TSHZ2: variants seen among roughly 807,000 people sequenced by gnomAD.
The protein encoded by TSHZ2 is teashirt homolog 2.
A neutral mutation model predicts 74.4 loss-of-function variants in TSHZ2; 21 were observed. The observed-to-expected ratio is 0.28, with a 90% confidence interval of 0.20 to 0.41. The LOEUF (loss-of-function observed/expected upper bound fraction) is 0.41. TSHZ2 is among the 10% of genes least tolerant of loss of function. The pLI is 1.00. For missense variants in TSHZ2, 1,244 were observed against 1,293.5 expected (o/e 0.96, Z 0.59); for synonymous variants, 540 against 515.3 (o/e 1.05, Z -0.65).
chr20:53,143,554 T>C (rs891637268), intron 1 of TSHZ2, among the ~76,000 whole-genome samples: 46 of 152,104 alleles, frequency 3.0e-4, no homozygotes, highest in Non-Finnish European at 5.1e-4. Context: ...TAGCCGGGCA[T>C]GGTGGCGGGC....
Position 53,384,308 on chromosome 20 carries a change from G to A in TSHZ2, c.*9-102836G>A, listed in dbSNP as rs114081174. ...ATTACTGAAGGCGAGGGATTTGACT[G>A]GGCCTGGAAACTCCAAAACTGCAGC... On this transcript the variant is annotated intron_variant, in intron 2 of 2. Coordinates refer to ENST00000371497, the MANE Select transcript of TSHZ2 (RefSeq NM_173485.6). Among the ~76,000 whole-genome samples the A allele has an allele frequency of 2.7e-3, 418 of 152,288 alleles. 3 individuals are homozygous for A. The highest frequency in any genetic ancestry group is 9.6e-3 in the African/African-American group (399 of 41,560).
chr20:53,320,437 A>G (rs577644104), intron 2 of TSHZ2, among the ~76,000 whole-genome samples: 1 of 152,276 alleles, frequency 6.6e-6, no homozygotes, highest in Admixed American at 6.5e-5. Flanking sequence ...AGTTCTTTTC[A>G]TTGCCTCAAT....
chr20:53,374,091 C>G (rs1981573544), intron 2 of TSHZ2, among the ~76,000 whole-genome samples: 1 of 152,108 alleles, frequency 6.6e-6, no homozygotes, highest in Admixed American at 6.6e-5. Context: ...TATTATGTCA[C>G]CCAGGTAATA....
intron 1 of TSHZ2, among the ~76,000 whole-genome samples, chr20:53,210,774 C>T (rs894456643): frequency 3.9e-5 from 6 of 152,052 alleles, no homozygotes; most frequent in Non-Finnish European, 8.8e-5. Flanking sequence ...TTCCCTGTCT[C>T]CTGTCCATAT....
chr20:53,236,404 G>A (rs746393267), intron 1 of TSHZ2, among the ~76,000 whole-genome samples: 2 of 152,160 alleles, frequency 1.3e-5, no homozygotes, highest in African/African-American at 4.8e-5. Flanking sequence ...TTTCCCATAA[G>A]TGCTATAATT....
intron 2 of TSHZ2, among the ~76,000 whole-genome samples, chr20:53,343,712 C>T (rs928663098): frequency 2.0e-5 from 3 of 152,212 alleles, no homozygotes; most frequent in Non-Finnish European, 4.4e-5. Flanking sequence ...CCTCTCCCTC[C>T]TCCCCATCCA....
At chr20:53,039,586 T>C (rs1361947106) in intron 1 of TSHZ2, among the ~76,000 whole-genome samples, 1 of 152,034 alleles carries the variant, frequency 6.6e-6, no homozygotes, top group Non-Finnish European at 1.5e-5. Flanking sequence ...GAGTGAATAG[T>C]TGGTCAACAT....
At chr20:53,131,832 C>T (rs1180232144) in intron 1 of TSHZ2, among the ~76,000 whole-genome samples, 7 of 89,930 alleles carry the variant, frequency 7.8e-5, no homozygotes, top group East Asian at 6.0e-4. Flanking sequence ...CCCCCCCCCC[C>T]CCAAAAAAAA....
chr20:53,005,943 T>C (rs1052980383), intron 1 of TSHZ2, among the ~76,000 whole-genome samples: 1 of 152,022 alleles, frequency 6.6e-6, no homozygotes. Context: ...TTTAAAGGCA[T>C]CAAGTTTAAC....
At chr20:53,183,220 C>T (rs532631419) in intron 1 of TSHZ2, among the ~76,000 whole-genome samples, 8 of 152,280 alleles carry the variant, frequency 5.3e-5, no homozygotes, top group South Asian at 2.1e-4. Context: ...AAGGATATTA[C>T]GGGCAAAGCT....
intron 2 of TSHZ2, among the ~76,000 whole-genome samples, chr20:53,412,295 TAGAAAAG>T (rs1269745961): frequency 6.6e-6 from 1 of 152,140 alleles, no homozygotes; most frequent in Admixed American, 6.5e-5. Flanking sequence ...TCAGGATAGT[TAGAAAAG>T]GGAATGGGAC....
chr20:53,221,618 C>G (rs1389657116), intron 1 of TSHZ2, among the ~76,000 whole-genome samples: 3 of 152,158 alleles, frequency 2.0e-5, no homozygotes, highest in Non-Finnish European at 4.4e-5. Context: ...TCAGACAACA[C>G]CAAACACCTA....
At chr20:53,116,345 T>G (rs1360013063) in intron 1 of TSHZ2, among the ~76,000 whole-genome samples, 3 of 152,146 alleles carry the variant, frequency 2.0e-5, no homozygotes, top group African/African-American at 7.2e-5. Flanking sequence ...AACCTGGAGG[T>G]TCCTTTTGCA....
At chr20:53,143,619 G>C (rs1293415) in intron 1 of TSHZ2, among the ~76,000 whole-genome samples, 1 of 152,192 alleles carries the variant, frequency 6.6e-6, no homozygotes, top group Admixed American at 6.5e-5. Flanking sequence ...GTGAACACGG[G>C]AGGAAGAGCT....
At chr20:53,357,202 A>G (rs1487387490) in intron 2 of TSHZ2, among the ~76,000 whole-genome samples, 3 of 152,248 alleles carry the variant, frequency 2.0e-5, no homozygotes. Context: ...TCACTATTAC[A>G]TAGGACAATA....
chr20:53,257,121 T>C (rs560614876), intron 2 of TSHZ2, among the ~76,000 whole-genome samples: 1 of 152,358 alleles, frequency 6.6e-6, no homozygotes, highest in South Asian at 2.1e-4. Context: ...GCAGCTTACT[T>C]TTAGTAATTG....
chr20:53,038,249 T>C (rs1219692400), intron 1 of TSHZ2, among the ~76,000 whole-genome samples: 1 of 145,344 alleles, frequency 6.9e-6, no homozygotes, highest in Non-Finnish European at 1.5e-5. Context: ...TGCCCAGAAT[T>C]TGAATGTTGT....
chr20:53,457,765 T>A (rs1447946187), intron 2 of TSHZ2, among the ~76,000 whole-genome samples: 13 of 151,828 alleles, frequency 8.6e-5, no homozygotes, highest in Non-Finnish European at 2.9e-5. Flanking sequence ...GTTTTTAGCA[T>A]GAAAGGTTGT....
intron 2 of TSHZ2, among the ~76,000 whole-genome samples, chr20:53,447,812 A>G (rs1328260697): frequency 6.6e-6 from 1 of 152,162 alleles, no homozygotes; most frequent in Non-Finnish European, 1.5e-5. Flanking sequence ...TCGGTGCCTC[A>G]TATTGTTACT....
Sources: allele counts gnomAD v4.1 joint callset (sites outside exome capture counted in the v4.1 genomes callset), GRCh38; gene constraint gnomAD v4.1.1; transcripts MANE v1.5; gene names NCBI Gene and HGNC (gene_info 2026-07-23, HGNC 2026-07-21).